Variants in CCDC171 observed in about 807,000 individuals in gnomAD.
The protein encoded by CCDC171 is coiled-coil domain-containing protein 171.
In CCDC171, 177 loss-of-function variants were observed where a neutral mutation model predicts 168.2. The observed-to-expected ratio is 1.05, with a 90% confidence interval of 0.93 to 1.19. CCDC171 has a LOEUF of 1.19. Ranked by LOEUF, CCDC171 falls within the 50% of genes most tolerant of loss-of-function variation. The pLI is 0.00. For missense variants in CCDC171, 1,991 were observed against 1,539.0 expected (o/e 1.29, Z -4.91); for synonymous variants, 687 against 540.8 (o/e 1.27, Z -3.75).
intron 9 of CCDC171, among the ~76,000 whole-genome samples, chr9:15,671,831 A>G (rs1420498827): frequency 6.6e-6 from 1 of 152,198 alleles, no homozygotes; most frequent in Non-Finnish European, 1.5e-5. Flanking sequence ...ATGTGTCTTT[A>G]TAGCAGCATG....
At chr9:15,760,257 T>C (rs1242333681) in intron 18 of CCDC171, among the ~76,000 whole-genome samples, 1 of 152,194 alleles carries the variant, frequency 6.6e-6, no homozygotes, top group Non-Finnish European at 1.5e-5. Context: ...ACTAAGCTTT[T>C]AATAATAACT....
At chr9:15,924,020 T>A (rs1166612098) in intron 25 of CCDC171, among the ~76,000 whole-genome samples, 2 of 151,436 alleles carry the variant, frequency 1.3e-5, no homozygotes, top group Non-Finnish European at 3.0e-5. Context: ...TATATAGATA[T>A]ATAGATATAG....
chr9:15,615,771 C>T (rs750695174), intron 6 of CCDC171, among the ~76,000 whole-genome samples: 16 of 140,036 alleles, frequency 1.1e-4, no homozygotes, highest in African/African-American at 2.1e-4. Context: ...ATGGGAATCA[C>T]GTGTGATTTT....
At chr9:15,896,451 G>T (rs148603252) in intron 24 of CCDC171, among the ~76,000 whole-genome samples, 17 of 152,092 alleles carry the variant, frequency 1.1e-4, no homozygotes, top group Non-Finnish European at 2.1e-4. Flanking sequence ...TGAGTGATGG[G>T]ATAAGTCAAG....
At chr9:15,766,654 T>G (rs2056738004) in intron 18 of CCDC171, among the ~76,000 whole-genome samples, 1 of 120,228 alleles carries the variant, frequency 8.3e-6, no homozygotes, top group Non-Finnish European at 1.9e-5. Context: ...TATTTTTATT[T>G]TATTTTATAT....
At chr9:15,559,286 C>G (rs1563937075) in intron 1 of CCDC171, among the ~76,000 whole-genome samples, 2 of 152,040 alleles carry the variant, frequency 1.3e-5, no homozygotes, top group African/African-American at 2.4e-5. Context: ...CCTGGATATC[C>G]TTGTTAACTT....
chr9:15,820,620 C>G lies in CCDC171; in HGVS notation c.3268-26082C>G, dbSNP rs1328791879. Among the ~76,000 whole-genome samples, 2 of 117,300 alleles carry G rather than the reference C, an allele frequency of 1.7e-5. 1 individual carries two copies. Among genetic ancestry groups the G allele is most frequent in the Non-Finnish European group, 3.8e-5 (2 of 52,326 alleles). 77.0% of individuals were successfully genotyped at this position (117,300 alleles called of 152,430 possible). Reference sequence around the variant, plus strand: ...GGATAAATTCCTCGACACATACACCCTCCTAAGACTAAACCAGGAAGAATT... The same window carrying G: ...GGATAAATTCCTCGACACATACACCGTCCTAAGACTAAACCAGGAAGAATT... On this transcript the variant is annotated intron_variant, in intron 21 of 25. Coordinates refer to ENST00000380701, the MANE Select transcript of CCDC171 (RefSeq NM_173550.4).
At chr9:15,810,457 T>G (rs1165705113) in intron 21 of CCDC171, among the ~76,000 whole-genome samples, 1 of 85,748 alleles carries the variant, frequency 1.2e-5, no homozygotes, top group Non-Finnish European at 2.2e-5. Flanking sequence ...GGGTGGCGCC[T>G]GTCGGGGAGG....
intron 18 of CCDC171, among the ~76,000 whole-genome samples, chr9:15,746,629 T>C (rs2055300352): frequency 6.6e-6 from 1 of 152,176 alleles, no homozygotes; most frequent in South Asian, 2.1e-4. Flanking sequence ...GCGATTTGAG[T>C]GCTTCCAAGA....
At chr9:15,617,838 T>C (rs1053204517) in intron 6 of CCDC171, among the ~76,000 whole-genome samples, 1 of 152,204 alleles carries the variant, frequency 6.6e-6, no homozygotes, top group Non-Finnish European at 1.5e-5. Flanking sequence ...TAGTGGAGGC[T>C]GGAGAACAGC....
At chr9:16,084,909 C>T in the CCDC171 span, among the ~76,000 whole-genome samples, 1 of 152,216 alleles carries the variant, frequency 6.6e-6, no homozygotes, top group Non-Finnish European at 1.5e-5. Context: ...GGTAACCAGT[C>T]AAGGGGCCTT....
At chr9:15,628,981 G>C (rs1047033639) in intron 7 of CCDC171, among the ~76,000 whole-genome samples, 126 of 152,306 alleles carry the variant, frequency 8.3e-4, no homozygotes, top group African/African-American at 2.7e-3. Context: ...CTGTCTGTTA[G>C]AAGGAAAACT....
intron 4 of CCDC171, among the ~76,000 whole-genome samples, chr9:15,583,906 C>G (rs943356820): frequency 1.3e-5 from 2 of 152,114 alleles, no homozygotes; most frequent in African/African-American, 2.4e-5. Flanking sequence ...CTCCCTCTTT[C>G]GCCCAGGCTG....
chr9:16,096,314 C>T, the CCDC171 span, among the ~76,000 whole-genome samples: 1 of 152,144 alleles, frequency 6.6e-6, no homozygotes, highest in Non-Finnish European at 1.5e-5. Context: ...CACAATTTAT[C>T]CTGTAAGTCT....
chr9:15,569,930 G>T (rs1240939768), intron 2 of CCDC171, among the ~76,000 whole-genome samples: 1 of 151,306 alleles, frequency 6.6e-6, no homozygotes, highest in Non-Finnish European at 1.5e-5. Context: ...TATTTGTTTA[G>T]TTTTTCGTTT....
chr9:15,950,975 T>C (rs2132465099), intron 25 of CCDC171, among the ~76,000 whole-genome samples: 1 of 151,420 alleles, frequency 6.6e-6, no homozygotes, highest in South Asian at 2.1e-4. Context: ...GTTGCAATTC[T>C]AGTCTCTGAT....
rs1033107267 is a variant in CCDC171, at chr9:15,901,526, A to G, written c.3601-18744A>G. The stretch of plus-strand genomic sequence containing the variant: ...TGCTCTAAAAATAGTCTATTTAAAA[A>G]GTAAATATACCATAAAATCTATCTG... On this transcript the variant is annotated intron_variant, in intron 24 of 25. Transcript: ENST00000380701. Among the ~76,000 whole-genome samples the G allele has an allele frequency of 2.6e-5, 4 of 152,350 alleles. No individual in the cohort carries two copies. The Middle Eastern group carries it at 0.01, about 389-fold the overall frequency.
At chr9:15,688,719 C>G (rs1183351475) in intron 10 of CCDC171, among the ~76,000 whole-genome samples, 2 of 152,092 alleles carry the variant, frequency 1.3e-5, no homozygotes, top group Non-Finnish European at 2.9e-5. Context: ...TCAAGAAGAG[C>G]ATCTATAGAA....
At chr9:15,824,340 A>C (rs1002205785) in intron 21 of CCDC171, among the ~76,000 whole-genome samples, 4 of 152,108 alleles carry the variant, frequency 2.6e-5, no homozygotes, top group African/African-American at 9.6e-5. Context: ...CATATGTATT[A>C]ATTTTATATG....
Sources: allele counts gnomAD v4.1 joint callset (sites outside exome capture counted in the v4.1 genomes callset), GRCh38; gene constraint gnomAD v4.1.1; transcripts MANE v1.5; gene names NCBI Gene and HGNC (gene_info 2026-07-23, HGNC 2026-07-21).